MAIP1: variants seen among roughly 807,000 people sequenced by gnomAD.
The protein encoded by MAIP1 is m-AAA protease-interacting protein 1, mitochondrial.
In MAIP1, 28 loss-of-function variants were observed where a neutral mutation model predicts 31.2. That is an observed-to-expected ratio of 0.90 (90% CI 0.67 to 1.23). The LOEUF is 1.23. Among genes scored for constraint, MAIP1 ranks in the 50% most tolerant of loss-of-function variants. MAIP1 has a pLI of 0.00. For synonymous variants in MAIP1, 142 were observed against 142.3 expected (o/e 1.00, Z 0.02); for missense variants, 339 against 356.0 (o/e 0.95, Z 0.38).
At chr2:199,962,982 A>G (rs1447057596) in intron 4 of MAIP1, among the ~76,000 whole-genome samples, 1 of 152,196 alleles carries the variant, frequency 6.6e-6, no homozygotes, top group African/African-American at 2.4e-5. Flanking sequence ...TGACCTAAGA[A>G]ATAAAATGTA....
chr2:199,957,898 A>G lies in MAIP1; in HGVS notation c.451-1370A>G, dbSNP rs552152487. 9.8e-5 allele frequency among the ~76,000 whole-genome samples: 15 copies of G among 152,296 alleles called. No homozygotes were observed. The South Asian group carries it at 3.1e-3, about 32-fold the overall frequency. On this transcript the variant is annotated intron_variant, in intron 1 of 4. Transcript: ENST00000392290. ...GGTACCAGTTCATTTATGTTTCAGT[A>G]AGGAATGGAAATCATCTCCCCACCA... is the stretch of plus-strand genomic sequence containing the variant.
Position 199,961,923 on chromosome 2 carries a change from C to A in MAIP1, c.792C>A (p.Ser264Arg). Reference sequence around the variant, plus strand: ...AAACTAAACAACTTCTTAGTGCAAGCTATGAGTAAGTTTAATCAGATTTCA... The same window carrying A: ...AAACTAAACAACTTCTTAGTGCAAGATATGAGTAAGTTTAATCAGATTTCA... ...NVETKQLLSA[S>R]YEFQREFTQG... Residue 264 changes from serine (S) to arginine (R), a missense_variant, in exon 4 of 5, where the codon AGC (serine) becomes AGA (arginine). Physicochemically the swap from Ser to Arg is moderately radical, Grantham distance 110 (BLOSUM62 -1). Transcript: ENST00000392290. 1 of 1,611,378 alleles carries A rather than the reference C, an allele frequency of 6.2e-7. No homozygotes were observed. Among genetic ancestry groups the A allele is most frequent in the Admixed American group, 1.7e-5 (1 of 59,694 alleles).
chr2:199,960,893 C>G (rs961632484), intron 3 of MAIP1, among the ~76,000 whole-genome samples: 5 of 152,158 alleles, frequency 3.3e-5, no homozygotes, highest in African/African-American at 1.2e-4. Context: ...TTCATGCACA[C>G]ATTATTTTGA....
intron 1 of MAIP1, among the ~76,000 whole-genome samples, chr2:199,957,997 C>G (rs2077616968): frequency 6.6e-6 from 1 of 152,224 alleles, no homozygotes; most frequent in Non-Finnish European, 1.5e-5. Flanking sequence ...TGGGGTCACT[C>G]CAGTCCTAGT....
Position 199,961,822 on chromosome 2 carries a change from AC to A in MAIP1, c.693del (p.Ser232ValfsTer9). On this transcript the variant is annotated frameshift_variant, in exon 4 of 5. Transcript: ENST00000392290. LOFTEE classifies it high-confidence loss of function. ...CATCCTGATGTGCTTTTGGTATCTA[AC>A]CAGTGCCAACATCCCCAGTGAAACT... Reference protein sequence around the residue: ...VNILMCFWYLTSANIPSETLR... With the variant: ...VNILMCFWYLXSANIPSETLR... 1.2e-6 allele frequency: 2 copies of A among 1,614,020 alleles called. No homozygotes were observed. Among genetic ancestry groups the A allele is most frequent in the Non-Finnish European group, 1.7e-6 (2 of 1,179,916 alleles).
chr2:199,955,440 G>A, upstream of MAIP1: 3 of 1,613,938 alleles, frequency 1.9e-6, no homozygotes, highest in Non-Finnish European at 2.5e-6. Flanking sequence ...ACGCCCTCCA[G>A]CCGGGGTACC....
intron 1 of MAIP1, among the ~76,000 whole-genome samples, chr2:199,958,465 T>TG: frequency 6.6e-6 from 1 of 152,346 alleles, no homozygotes; most frequent in East Asian, 1.9e-4. Context: ...ATATCTGACA[T>TG]GCCTGTGCAT....
chr2:199,955,861 C>A lies in MAIP1; in HGVS notation c.63C>A (p.Ala21=), dbSNP rs771409548. The A allele has an allele frequency of 1.3e-6, 2 of 1,530,824 alleles. No homozygotes were observed. The highest frequency in any genetic ancestry group is 2.2e-5 in the Admixed American group (1 of 46,360). 94.8% of individuals were successfully genotyped at this position (1,530,824 alleles called of 1,614,324 possible). A position where few individuals can be genotyped will look rare whatever the true frequency, so the allele number is the denominator to read the frequency against. The change falls in exon 1 of 5, where the codon GCC becomes GCA. Residue 21 remains alanine (A), a synonymous_variant. Coordinates refer to ENST00000392290, the MANE Select transcript of MAIP1 (RefSeq NM_001394955.1). ...FLHSRSLPCG[A]VRLRTPAVAE... ...ACTCTCGGTCGCTGCCCTGCGGGGC[C>A]GTCCGACTCCGGACTCCTGCTGTGG...
Position 199,955,939 on chromosome 2 carries a change from C to T in MAIP1, c.141C>T (p.Leu47=), listed in dbSNP as rs765066559. 1.9e-6 allele frequency: 3 copies of T among 1,603,344 alleles called. No homozygotes were observed. Among genetic ancestry groups the T allele is most frequent in the Non-Finnish European group, 2.6e-6 (3 of 1,173,284 alleles). Residue 47 remains leucine (L), a synonymous_variant, in exon 1 of 5, where the codon CTC becomes CTT. Transcript: ENST00000392290. ...ATLCYFCRCR[L]GLGAALFPRS... Reference sequence around the variant, plus strand: ...TTTGCTACTTCTGCCGCTGTCGCCTCGGCTTGGGAGCGGCGTTATTTCCAC... The same window carrying T: ...TTTGCTACTTCTGCCGCTGTCGCCTTGGCTTGGGAGCGGCGTTATTTCCAC...
At chr2:199,955,330 C>G (rs2077588182), upstream of MAIP1, 2 of 1,571,098 alleles carry the variant, frequency 1.3e-6, no homozygotes, top group African/African-American at 2.7e-5. Flanking sequence ...TCCCAGCTGT[C>G]CGAAAGGTAA....
rs2077605363 is a variant in MAIP1, at chr2:199,956,444, C to G, written c.450+196C>G. 2.0e-5 allele frequency among the ~76,000 whole-genome samples: 3 copies of G among 152,140 alleles called. No individual in the cohort carries two copies. In the South Asian group the frequency reaches 6.2e-4, roughly 32 times the overall value. On this transcript the variant is annotated intron_variant, in intron 1 of 4. Transcript: ENST00000392290. ...GGGAATGGTGGTACACGCCTGTAGT[C>G]TCAGCTACTTGGGAGGCTGAAGGGG...
chr2:199,957,210 C>A (rs1473664916), intron 1 of MAIP1, among the ~76,000 whole-genome samples: 2 of 152,046 alleles, frequency 1.3e-5, no homozygotes, highest in African/African-American at 4.8e-5. Flanking sequence ...ACCAGCCTGG[C>A]CAATATGGTG....
Position 199,955,815 on chromosome 2 carries a change from G to T in MAIP1, c.17G>T (p.Arg6Leu). 6.6e-7 allele frequency: 1 copy of T among 1,516,150 alleles called. No homozygotes were observed. Among genetic ancestry groups the T allele is most frequent in the Non-Finnish European group, 8.8e-7 (1 of 1,133,782 alleles). 93.9% of individuals were successfully genotyped at this position (1,516,150 alleles called of 1,614,324 possible). Residue 6 changes from arginine to leucine, a missense_variant, in exon 1 of 5, where the codon CGT becomes CTT. Coordinates refer to ENST00000392290, the MANE Select transcript of MAIP1 (RefSeq NM_001394955.1). ...GTCATAAAAATGGCGCTGGCCGCTCGTTTGCTACCCCAGTTCCTGCACTCT... is the reference window on the plus strand; with the variant it reads ...GTCATAAAAATGGCGCTGGCCGCTCTTTTGCTACCCCAGTTCCTGCACTCT... MALAA[R>L]LLPQFLHSRS...
At position 199,959,860 on chromosome 2, in the gene MAIP1, C is replaced by G. The variant is rs940123362; in HGVS notation, c.629C>G (p.Ser210Cys). Residue 210 changes from serine to cysteine, a missense_variant, in exon 3 of 5, where the codon TCC becomes TGC. Coordinates refer to ENST00000392290, the MANE Select transcript of MAIP1 (RefSeq NM_001394955.1). ...EIVFTSTGDI[S>C]IYYDEKGRKF... ...GTATTTACATCAACAGGAGACATCT[C>G]CATTTACTATGATGAGAAAGGTAAT... 9 of 1,611,838 alleles carry G rather than the reference C, an allele frequency of 5.6e-6. No homozygotes were observed. In the African/African-American group the frequency reaches 6.7e-5, roughly 12 times the overall value.
intron 3 of MAIP1, among the ~76,000 whole-genome samples, chr2:199,961,493 C>G (rs1455102962): frequency 1.3e-5 from 2 of 152,044 alleles, no homozygotes; most frequent in East Asian, 1.9e-4. Flanking sequence ...GAAAATGCCA[C>G]TAATTGAAAA....
rs2077648574 is a variant in MAIP1 at position 199,963,774 on chromosome 2, C to T, written c.839C>T (p.Thr280Ile). The T allele has an allele frequency of 1.9e-6, 3 of 1,609,782 alleles. No individual in the cohort carries two copies. The highest frequency in any genetic ancestry group is 1.1e-5 in the South Asian group (1 of 90,862). ...EFTQGVKPDW[T>I]IARIEHSKLL... ...ACACAAGGAGTAAAGCCTGACTGGA[C>T]CATTGCACGGATTGAACACTCAAAA... Residue 280 changes from threonine to isoleucine, a missense_variant, in exon 5 of 5, where the codon ACC becomes ATC. Coordinates refer to ENST00000392290, the MANE Select transcript of MAIP1 (RefSeq NM_001394955.1).
chr2:199,962,967 A>C (rs1282311506), intron 4 of MAIP1, among the ~76,000 whole-genome samples: 1 of 152,196 alleles, frequency 6.6e-6, no homozygotes, highest in Admixed American at 6.5e-5. Context: ...AACAAACCCC[A>C]AAAATGACCT....
Position 199,955,613 on chromosome 2 carries a change from G to T in MAIP1, c.-186G>T. 1 of 1,248,568 alleles carries T rather than the reference G, an allele frequency of 8.0e-7. No homozygotes were observed. Among genetic ancestry groups the T allele is most frequent in the Non-Finnish European group, 1.1e-6 (1 of 914,326 alleles). 77.3% of individuals were successfully genotyped at this position (1,248,568 alleles called of 1,614,324 possible). On this transcript the variant is annotated 5_prime_UTR_variant, in exon 1 of 5. Transcript: ENST00000392290. Reference sequence around the variant, plus strand: ...CAGAGTGGCTGGGTCCGAGCGCGGGGCGGGTTGCCGAAGGGCCTCGGCCTG... The same window carrying T: ...CAGAGTGGCTGGGTCCGAGCGCGGGTCGGGTTGCCGAAGGGCCTCGGCCTG...
chr2:199,963,254 T>C (rs1402081769), intron 4 of MAIP1, among the ~76,000 whole-genome samples: 2 of 152,186 alleles, frequency 1.3e-5, no homozygotes, highest in Non-Finnish European at 2.9e-5. Context: ...TCAAGATTGA[T>C]TTAATGTATG....
Sources: allele counts gnomAD v4.1 joint callset (sites outside exome capture counted in the v4.1 genomes callset), GRCh38; gene constraint gnomAD v4.1.1; transcripts MANE v1.5; gene names NCBI Gene and HGNC (gene_info 2026-07-23, HGNC 2026-07-21).